Variants in NBPF9 observed in about 807,000 individuals in gnomAD.
The protein encoded by NBPF9 is NBPF family member NBPF9.
A neutral mutation model predicts 97.8 loss-of-function variants in NBPF9; 91 were observed. The ratio of observed to expected loss-of-function variants is 0.93; its 90% CI spans 0.79 to 1.11. NBPF9 has a LOEUF of 1.11. NBPF9 is among the 50% of genes least tolerant of loss of function. The probability of loss-of-function intolerance (pLI) is 0.00; values close to 1 mark genes in which losing one functional copy is unlikely to be tolerated. For missense variants in NBPF9, 992 were observed against 939.5 expected (o/e 1.06, Z -0.73); for synonymous variants, 334 against 359.5 (o/e 0.93, Z 0.80).
intron 7 of NBPF9, among the ~76,000 whole-genome samples, chr1:149,081,563 C>A (rs1292365688): frequency 9.9e-5 from 15 of 152,038 alleles, no homozygotes; most frequent in Non-Finnish European, 5.9e-5. Flanking sequence ...GCCTCTTGGG[C>A]CTCAACGGAA....
At chr1:149,098,068 G>T (rs1330084412) in intron 4 of NBPF9, among the ~76,000 whole-genome samples, 4 of 151,830 alleles carry the variant, frequency 2.6e-5, no homozygotes, top group Admixed American at 2.6e-4. Flanking sequence ...GAAAGCTGAA[G>T]AGGAGAAAGC....
At chr1:149,099,624 T>C (rs1228313489) in intron 3 of NBPF9, among the ~76,000 whole-genome samples, 3 of 152,204 alleles carry the variant, frequency 2.0e-5, no homozygotes, top group South Asian at 2.1e-4. Flanking sequence ...ATGAATACTA[T>C]ATTCATAAAT....
At chr1:149,060,591 C>A in exon 24 of NBPF9, 1 of 391,660 alleles carries the variant, frequency 2.6e-6, no homozygotes, top group Non-Finnish European at 4.5e-6. Flanking sequence ...ATAGGGCTGG[C>A]AGGAGTCAGG....
exon 16 of NBPF9, chr1:149,071,010 C>A (rs1434399528): frequency 4.3e-6 from 7 of 1,611,988 alleles, no homozygotes; most frequent in Non-Finnish European, 5.1e-6. Context: ...CTTTGTCTTC[C>A]TCAAATGTGA....
At chr1:149,062,409 G>A in intron 21 of NBPF9, 144 bp from the exon 22 acceptor site, 2 of 667,326 alleles carry the variant, frequency 3.0e-6, no homozygotes, top group South Asian at 1.5e-5. Context: ...ATTGCCTTTA[G>A]GTTGGGATAG....
intron 5 of NBPF9, among the ~76,000 whole-genome samples, chr1:149,084,597 C>A (rs878879986): frequency 6.6e-5 from 10 of 150,976 alleles, no homozygotes; most frequent in South Asian, 2.1e-4. Context: ...AGCAACGCAA[C>A]GGCCAGGTGG....
At chr1:149,071,205 C>A (rs1250310898) in intron 15 of NBPF9, 66 bp from the exon 16 acceptor site, 102 of 1,130,930 alleles carry the variant, frequency 9.0e-5, no homozygotes, top group Middle Eastern at 2.8e-4. Context: ...CCCAGGGAGT[C>A]CTAGCTGGTT....
exon 10 of NBPF9, chr1:149,077,914 C>A (rs1199082245): frequency 6.7e-7 from 1 of 1,494,284 alleles, no homozygotes; most frequent in Non-Finnish European, 9.3e-7. Flanking sequence ...ACTTTCTCAT[C>A]CTCCTCAACT....
chr1:149,087,684 C>T (rs1440205706), intron 5 of NBPF9, among the ~76,000 whole-genome samples: 6 of 150,854 alleles, frequency 4.0e-5, no homozygotes, highest in East Asian at 2.0e-4. Context: ...GATCAATTTA[C>T]GAAGAACTGA....
At chr1:149,092,823 G>C (rs1272138954) in intron 4 of NBPF9, 1 of 864,142 alleles carries the variant, frequency 1.2e-6, no homozygotes. Context: ...GGCACTTGAG[G>C]AGTGTGGCTT....
chr1:149,072,911 G>T (rs587724331), exon 14 of NBPF9: 3 of 1,606,964 alleles, frequency 1.9e-6, no homozygotes, highest in Non-Finnish European at 8.5e-7. Context: ...GTTCCTGAGC[G>T]TGAACCAGGA....
chr1:149,062,657 G>C (rs2078702662), intron 21 of NBPF9, among the ~76,000 whole-genome samples: 1 of 149,136 alleles, frequency 6.7e-6, no homozygotes, highest in African/African-American at 2.5e-5. Context: ...TTGAGGTATG[G>C]TCAACCTATA....
At chr1:149,075,777 A>C (rs781870132) in exon 12 of NBPF9, 38 of 1,585,844 alleles carry the variant, frequency 2.4e-5, no homozygotes, top group Non-Finnish European at 3.1e-5. Flanking sequence ...ATTGATTTCT[A>C]GAATGTTCAT....
In NBPF9 at chr1:149,060,312, G is replaced by C; in HGVS notation, c.2476+211C>G. 4 of 407,860 alleles carry C rather than the reference G, an allele frequency of 9.8e-6. 2 individuals carry two copies. The highest frequency in any genetic ancestry group is 1.7e-3 in the Middle Eastern group (2 of 1,210). The allele number at this position is 407,860 out of a possible 1,614,324, so 25.3% of individuals were successfully genotyped here. ...ATAGGATCAGGGCGCCACAGGTATGGCCTGAGACTAGGAAGAGAGTCTTGC... is the reference window on the plus strand; with the variant it reads ...ATAGGATCAGGGCGCCACAGGTATGCCCTGAGACTAGGAAGAGAGTCTTGC... On this transcript the variant is annotated intron_variant, in intron 24 of 29. Coordinates refer to ENST00000584027, the Ensembl canonical transcript of NBPF9.
chr1:149,082,086 T>C, exon 7 of NBPF9: 8 of 1,610,542 alleles, frequency 5.0e-6, no homozygotes, highest in Non-Finnish European at 6.8e-6. Flanking sequence ...CGTTGATTTC[T>C]AGAATGTTCA....
Position 149,065,896 on chromosome 1 carries a change from C to G in NBPF9, c.1638-207G>C, listed in dbSNP as rs1411910024. The stretch of plus-strand genomic sequence containing the variant: ...ACAGAGCAAAAATGGGCAGCGTGTG[C>G]TCAGTACATTTGCCACAGATGAGCC... On this transcript the variant is annotated intron_variant, in intron 17 of 29. Transcript: ENST00000584027. 1.1e-5 allele frequency: 8 copies of G among 699,384 alleles called. No individual in the cohort carries two copies. The East Asian group carries it at 1.9e-4, about 17-fold the overall frequency. 43.3% of individuals were successfully genotyped at this position (699,384 alleles called of 1,614,324 possible). A position where few individuals can be genotyped will look rare whatever the true frequency, so the allele number is the denominator to read the frequency against.
intron 17 of NBPF9, chr1:149,066,013 G>T (rs1365023844): frequency 2.0e-6 from 1 of 499,622 alleles, no homozygotes; most frequent in Non-Finnish European, 3.6e-6. Context: ...TGCATAAATT[G>T]GGTTGAATTT....
In NBPF9 at chr1:149,058,281, G is replaced by A. The variant is rs1327530970; in HGVS notation, c.2759-66C>T. On this transcript the variant is annotated intron_variant, in intron 26 of 29. Coordinates refer to ENST00000584027, the Ensembl canonical transcript of NBPF9. ...TCACCTACACCCATAACAGTCCACT[G>A]TCTAATCCCCACACAGGGATCTCAG... The A allele has an allele frequency of 8.0e-5, 27 of 337,698 alleles. 1 individual carries two copies. Among genetic ancestry groups the A allele is most frequent in the African/African-American group, 1.8e-4 (3 of 16,360 alleles). The allele number at this position is 337,698 out of a possible 1,614,324, so 20.9% of individuals were successfully genotyped here.
At chr1:149,079,159 C>G (rs1348378879) in exon 9 of NBPF9, 1 of 1,292,044 alleles carries the variant, frequency 7.7e-7, no homozygotes, top group African/African-American at 1.5e-5. Context: ...TCTCCCTTCC[C>G]GTAACTTCTC....
Sources: gnomAD v4.1 joint callset for allele counts (sites outside exome capture counted in the v4.1 genomes callset) on GRCh38, gnomAD v4.1.1 for gene constraint, MANE v1.5 for transcripts, NCBI Gene and HGNC (gene_info 2026-07-23, HGNC 2026-07-21) for gene names.